RARB: variants seen among roughly 807,000 people sequenced by gnomAD.
The protein encoded by RARB is retinoic acid receptor beta, also known as HBV-activated protein.
In RARB, 17 loss-of-function variants were observed where a neutral mutation model predicts 51.9. That is an observed-to-expected ratio of 0.33 (90% CI 0.22 to 0.49). RARB has a LOEUF of 0.49. Ranked by LOEUF, RARB falls within the 20% of genes least tolerant of loss-of-function variation. The probability of loss-of-function intolerance (pLI) is 0.99; values close to 1 mark genes in which losing one functional copy is unlikely to be tolerated. For missense variants in RARB, 369 were observed against 550.8 expected, an observed-to-expected ratio of 0.67 and a Z score of 3.30; for synonymous variants, 215 against 195.4, an observed-to-expected ratio of 1.10 and a Z score of -0.84.
intron 4 of RARB, among the ~76,000 whole-genome samples, chr3:25,155,187 A>AT (rs1272565297): frequency 6.6e-6 from 1 of 151,074 alleles, no homozygotes; most frequent in Non-Finnish European, 1.5e-5. Context: ...TTTTTTTTGT[A>AT]TTTTTTAGCA....
intron 2 of RARB, among the ~76,000 whole-genome samples, chr3:24,860,381 A>G (rs550742996): frequency 3.9e-5 from 6 of 152,216 alleles, no homozygotes; most frequent in African/African-American, 1.4e-4. Flanking sequence ...AGGACATGAG[A>G]GAGTTGTCAG....
intron 2 of RARB, among the ~76,000 whole-genome samples, chr3:24,871,466 T>G (rs1420486913): frequency 6.6e-6 from 1 of 152,132 alleles, no homozygotes; most frequent in Non-Finnish European, 1.5e-5. Flanking sequence ...TTTCCTCTTC[T>G]CAGTGATTGC....
chr3:25,308,434 G>A (rs7636859), intron 5 of RARB, among the ~76,000 whole-genome samples: 7,761 of 148,470 alleles, frequency 0.052, 221 homozygotes, highest in African/African-American at 0.066. Flanking sequence ...CTCCCTGACT[G>A]GTTTTCTTTC....
intron 5 of RARB, among the ~76,000 whole-genome samples, chr3:25,250,901 A>C (rs749127865): frequency 2.0e-5 from 3 of 152,148 alleles, no homozygotes; most frequent in African/African-American, 4.8e-5. Flanking sequence ...AATCTGTAGC[A>C]ATTGGGTGTT....
intron 5 of RARB, among the ~76,000 whole-genome samples, chr3:25,320,636 G>C (rs968208384): frequency 6.6e-6 from 1 of 152,076 alleles, no homozygotes; most frequent in Non-Finnish European, 1.5e-5. Flanking sequence ...CTCATTTCTA[G>C]TACCAAAGTG....
chr3:25,110,223 TG>T (rs1699578324), intron 3 of RARB, among the ~76,000 whole-genome samples: 1 of 152,228 alleles, frequency 6.6e-6, no homozygotes, highest in East Asian at 1.9e-4. Context: ...TACATGTCAA[TG>T]TGTCTTAGTT....
intron 3 of RARB, among the ~76,000 whole-genome samples, chr3:25,084,940 A>G (rs1168674801): frequency 3.3e-5 from 5 of 152,166 alleles, no homozygotes; most frequent in African/African-American, 9.6e-5. Flanking sequence ...CCATGACTTC[A>G]CAATACATTT....
At chr3:25,032,964 A>C (rs1697906249) in intron 2 of RARB, among the ~76,000 whole-genome samples, 1 of 152,218 alleles carries the variant, frequency 6.6e-6, no homozygotes, top group Non-Finnish European at 1.5e-5. Context: ...GTACTCAGTG[A>C]AACCCATTAC....
chr3:25,404,314 C>G (rs1007191983), intron 5 of RARB, among the ~76,000 whole-genome samples: 6 of 152,158 alleles, frequency 3.9e-5, no homozygotes, highest in African/African-American at 1.4e-4. Flanking sequence ...ACAGGGTTAG[C>G]TTAACTGGAC....
intron 2 of RARB, among the ~76,000 whole-genome samples, chr3:24,879,026 T>C (rs904814909): frequency 6.6e-6 from 1 of 152,230 alleles, no homozygotes; most frequent in African/African-American, 2.4e-5. Context: ...TCTGATATAT[T>C]AACTGGCTTT....
intron 5 of RARB, among the ~76,000 whole-genome samples, chr3:25,180,320 G>A (rs955687256): frequency 1.4e-4 from 22 of 152,274 alleles, no homozygotes; most frequent in African/African-American, 5.3e-4. Flanking sequence ...GTATTTATTA[G>A]ATAAAATGTA....
chr3:24,872,483 C>A (rs1475430856), intron 2 of RARB, among the ~76,000 whole-genome samples: 3 of 152,136 alleles, frequency 2.0e-5, no homozygotes, highest in Admixed American at 6.5e-5. Context: ...GTTCTTCATA[C>A]TATGCAAGAA....
intron 3 of RARB, among the ~76,000 whole-genome samples, chr3:25,511,669 G>C (rs1275094575): frequency 6.6e-6 from 1 of 152,080 alleles, no homozygotes; most frequent in Non-Finnish European, 1.5e-5. Flanking sequence ...AGGAATAGAA[G>C]CAGAGTCTGC....
chr3:25,467,585 C>G (rs1055736975), intron 2 of RARB, among the ~76,000 whole-genome samples: 1 of 147,488 alleles, frequency 6.8e-6, no homozygotes, highest in Non-Finnish European at 1.5e-5. Flanking sequence ...ATCACATTTG[C>G]TAATATCCCC....
chr3:24,990,773 A>G (rs1281579360), intron 2 of RARB, among the ~76,000 whole-genome samples: 1 of 151,994 alleles, frequency 6.6e-6, no homozygotes, highest in Non-Finnish European at 1.5e-5. Context: ...TTTTACCTTT[A>G]CCTTTTAATA....
At position 25,202,165 on chromosome 3, in the gene RARB, G is replaced by A. The variant is rs1575215447; in HGVS notation, c.178+27590G>A. ...ACTTCTTCCTGATTTAGTCTTGGGA[G>A]GGTGTATGTGTCAAGGAATTTATCC... On this transcript the variant is annotated intron_variant, in intron 5 of 11. Coordinates refer to the RARB transcript ENST00000383772. 2.0e-5 allele frequency among the ~76,000 whole-genome samples: 3 copies of A among 152,234 alleles called. No individual in the cohort carries two copies. The South Asian group carries it at 6.2e-4, about 32-fold the overall frequency.
chr3:25,184,397 C>A (rs1298487400), intron 5 of RARB, among the ~76,000 whole-genome samples: 1 of 152,046 alleles, frequency 6.6e-6, no homozygotes, highest in Non-Finnish European at 1.5e-5. Flanking sequence ...CACATGTGGT[C>A]CCGCGAGAAG....
rs765533867 is a variant in RARB at position 25,196,839 on chromosome 3, C to T, written c.178+22264C>T. On this transcript the variant is annotated intron_variant, in intron 5 of 11. Coordinates refer to the RARB transcript ENST00000383772. ...TGAGCAGTGATAATGAGCATTTTTT[C>T]GTGTGTCTTTTGGCTGCATAAATGT... Among the ~76,000 whole-genome samples, 8 of 152,086 alleles carry T rather than the reference C, an allele frequency of 5.3e-5. No individual in the cohort carries two copies. In the South Asian group the frequency reaches 8.3e-4, roughly 16 times the overall value.
chr3:25,148,932 C>T (rs1180800636), intron 4 of RARB, among the ~76,000 whole-genome samples: 1 of 97,060 alleles, frequency 1.0e-5, no homozygotes, highest in East Asian at 3.9e-4. Flanking sequence ...TAGCTCACTT[C>T]AAACATTCCT....
Sources: gnomAD v4.1 joint callset for allele counts (sites outside exome capture counted in the v4.1 genomes callset) on GRCh38, gnomAD v4.1.1 for gene constraint, MANE v1.5 for transcripts, NCBI Gene and HGNC (gene_info 2026-07-23, HGNC 2026-07-21) for gene names.